Variants in HDAC2 observed in about 807,000 individuals in gnomAD.
HDAC2 encodes the protein histone deacetylase 2.
Under a neutral mutation model 68.5 loss-of-function variants are expected in HDAC2, and 5 were observed. That is an observed-to-expected ratio of 0.07 (90% CI 0.04 to 0.15). The LOEUF is 0.15. HDAC2 is among the 10% of genes least tolerant of loss of function. HDAC2 has a pLI of 1.00. For synonymous variants in HDAC2, 182 were observed against 191.3 expected (o/e 0.95, Z 0.40); for missense variants, 291 against 600.8 (o/e 0.48, Z 5.39).
At chr6:113,952,841 A>AG (rs1279316975) in intron 6 of HDAC2, among the ~76,000 whole-genome samples, 1 of 152,320 alleles carries the variant, frequency 6.6e-6, no homozygotes, top group East Asian at 1.9e-4. Flanking sequence ...AGAAGCTTAA[A>AG]GAAAAAAAAA....
intron 5 of HDAC2, among the ~76,000 whole-genome samples, chr6:113,953,673 A>T (rs1776474336): frequency 6.6e-6 from 1 of 152,224 alleles, no homozygotes; most frequent in Non-Finnish European, 1.5e-5. Flanking sequence ...CATGCTTCAA[A>T]AACATAGCAC....
chr6:113,962,007 T>C (rs1257037586), intron 1 of HDAC2, among the ~76,000 whole-genome samples: 1 of 151,918 alleles, frequency 6.6e-6, no homozygotes, highest in Non-Finnish European at 1.5e-5. Flanking sequence ...AGTTATTTGA[T>C]GCACACTGAA....
At chr6:113,956,513 G>T in intron 4 of HDAC2, 106 bp downstream of exon 4, 1 of 771,900 alleles carries the variant, frequency 1.3e-6, no homozygotes, top group Non-Finnish European at 2.2e-6. Context: ...ATTTCCTTTT[G>T]TTATCAAAAT....
rs1462543289 is a variant in HDAC2, at chr6:113,937,137, T to C, written c.*3921A>G. ...CAACTGAGGCACAGAGGTTAGTAATTTTCCTAAGATTATGGTGGAGATCCT... is the reference window on the plus strand; with the variant it reads ...CAACTGAGGCACAGAGGTTAGTAATCTTCCTAAGATTATGGTGGAGATCCT... On this transcript the variant is annotated 3_prime_UTR_variant, in exon 14 of 14. Coordinates refer to ENST00000519065, the MANE Select transcript of HDAC2 (RefSeq NM_001527.4). 2.0e-5 allele frequency: 3 copies of C among 152,204 alleles called. No homozygotes were observed. The highest frequency in any genetic ancestry group is 4.4e-5 in the Non-Finnish European group (3 of 68,028). The allele number at this position is 152,204 out of a possible 1,614,324, so 9.4% of individuals were successfully genotyped here.
Position 113,970,465 on chromosome 6 carries a change from C to G in HDAC2, c.52+392G>C, listed in dbSNP as rs558837469. The G allele has an allele frequency of 6.2e-5, 67 of 1,074,124 alleles. No homozygotes were observed. The African/African-American group carries it at 1.0e-3, about 17-fold the overall frequency. The allele number at this position is 1,074,124 out of a possible 1,614,324, so 66.5% of individuals were successfully genotyped here. A position where few individuals can be genotyped will look rare whatever the true frequency, so the allele number is the denominator to read the frequency against. On this transcript the variant is annotated intron_variant, in intron 1 of 13. Coordinates refer to ENST00000519065, the MANE Select transcript of HDAC2 (RefSeq NM_001527.4). ...GGGTCGAGGGGGTAGGAGGCCGACG[C>G]GGGGCACCCCAAACCTGCGTTGCCA... is the stretch of plus-strand genomic sequence containing the variant.
chr6:113,956,715 A>G, intron 3 of HDAC2, 22 bp from the exon 4 acceptor site: 2 of 1,529,356 alleles, frequency 1.3e-6, no homozygotes, highest in Non-Finnish European at 1.8e-6. Flanking sequence ...GGATTTCATT[A>G]ATTTCAACAC....
At chr6:113,956,894 C>A (rs764268017) in intron 3 of HDAC2, 5 of 504,494 alleles carry the variant, frequency 9.9e-6, no homozygotes, top group Non-Finnish European at 1.8e-5. Context: ...TGTGAAAGAT[C>A]ATCAAATCTT....
At chr6:113,963,890 C>T (rs186939739) in intron 1 of HDAC2, among the ~76,000 whole-genome samples, 1 of 152,166 alleles carries the variant, frequency 6.6e-6, no homozygotes, top group African/African-American at 2.4e-5. Context: ...AAGAAACTAA[C>T]AGAATGGAAG....
rs1056675170 is a variant in HDAC2 at position 113,934,209 on chromosome 6, C to A, written c.*6849G>T. The A allele has an allele frequency of 6.6e-6, 1 of 152,116 alleles. No homozygotes were observed. The highest frequency in any genetic ancestry group is 2.4e-5 in the African/African-American group (1 of 41,430). 9.4% of individuals were successfully genotyped at this position (152,116 alleles called of 1,614,324 possible). On this transcript the variant is annotated 3_prime_UTR_variant, in exon 14 of 14. Coordinates refer to ENST00000519065, the MANE Select transcript of HDAC2 (RefSeq NM_001527.4). ...GACAGGAAAGGCAAAAACATTTTATCCTGAATGCCAACTATCTGGGTTAAT... is the reference window on the plus strand; with the variant it reads ...GACAGGAAAGGCAAAAACATTTTATACTGAATGCCAACTATCTGGGTTAAT...
chr6:113,960,521 A>G (rs1776658540), intron 1 of HDAC2, among the ~76,000 whole-genome samples: 1 of 152,090 alleles, frequency 6.6e-6, no homozygotes, highest in African/African-American at 2.4e-5. Flanking sequence ...ACTGAAATTT[A>G]GGTCCTAAAT....
chr6:113,944,493 A>C lies in HDAC2; in HGVS notation c.1092-83T>G, dbSNP rs57755542. 3.5e-3 allele frequency: 4,313 copies of C among 1,239,662 alleles called. 116 individuals carry two copies. The African/African-American group carries it at 0.058, about 17-fold the overall frequency. 76.8% of individuals were successfully genotyped at this position (1,239,662 alleles called of 1,614,324 possible). On this transcript the variant is annotated intron_variant, in intron 10 of 13. Transcript: ENST00000519065. ...TGCAAGAGAAAATATTTAGCAAAAA[A>C]TTTCATCTTTGGTCTAGCTAAACCT...
At chr6:113,956,825 TAA>T in intron 3 of HDAC2, 132 bp from the exon 4 acceptor site, 1 of 621,182 alleles carries the variant, frequency 1.6e-6, no homozygotes, top group Non-Finnish European at 2.9e-6. Flanking sequence ...CAGTATAATA[TAA>T]AGTTTCCAAC....
At chr6:113,953,461 C>T in intron 5 of HDAC2, 43 bp from the exon 6 acceptor site, 1 of 1,259,918 alleles carries the variant, frequency 7.9e-7, no homozygotes, top group Non-Finnish European at 1.1e-6. Flanking sequence ...TTTAAAGGTT[C>T]TAAGATGGGA....
chr6:113,969,888 G>C (rs1238069379), intron 1 of HDAC2: 1 of 152,182 alleles, frequency 6.6e-6, no homozygotes, highest in Non-Finnish European at 1.5e-5. Context: ...GCCTTTGCAA[G>C]ATACCAATGC....
At chr6:113,949,914 T>TG (rs1776367301) in intron 6 of HDAC2, among the ~76,000 whole-genome samples, 1 of 152,118 alleles carries the variant, frequency 6.6e-6, no homozygotes, top group South Asian at 2.1e-4. Context: ...ACCGAGTGGC[T>TG]GGGATTACAG....
Position 113,940,959 on chromosome 6 carries a change from A to C in HDAC2, c.*99T>G, listed in dbSNP as rs953786739. On this transcript the variant is annotated 3_prime_UTR_variant, in exon 14 of 14. Coordinates refer to ENST00000519065, the MANE Select transcript of HDAC2 (RefSeq NM_001527.4). Reference sequence around the variant, plus strand: ...TTGAAAATAAATACAGTCCATGCCAAAGTAGTATAAAATGAAGCCAGAAGT... The same window carrying C: ...TTGAAAATAAATACAGTCCATGCCACAGTAGTATAAAATGAAGCCAGAAGT... The C allele has an allele frequency of 3.4e-6, 3 of 890,450 alleles. No homozygotes were observed. Among genetic ancestry groups the C allele is most frequent in the Non-Finnish European group, 5.3e-6 (3 of 564,194 alleles). 55.2% of individuals were successfully genotyped at this position (890,450 alleles called of 1,614,324 possible). A position where few individuals can be genotyped will look rare whatever the true frequency, so the allele number is the denominator to read the frequency against.
At chr6:113,964,856 C>T (rs1345597416) in intron 1 of HDAC2, among the ~76,000 whole-genome samples, 1 of 152,216 alleles carries the variant, frequency 6.6e-6, no homozygotes, top group Admixed American at 6.5e-5. Context: ...CACCTAACTG[C>T]TCAATCCAGA....
At position 113,959,942 on chromosome 6, in the gene HDAC2, C is replaced by T; in HGVS notation, c.129G>A (p.Leu43=). 1 of 1,571,156 alleles carries T rather than the reference C, an allele frequency of 6.4e-7. No individual in the cohort carries two copies. The highest frequency in any genetic ancestry group is 8.8e-7 in the Non-Finnish European group (1 of 1,141,640). Residue 43 remains leucine, a synonymous_variant, in exon 2 of 14, where the codon CTG becomes CTA. Transcript: ENST00000519065. ...TTTTTCTGTATAAGCCATAATTTAA[C>T]AGCAAGTTATGGGTCATGCGGATTC... is the stretch of plus-strand genomic sequence containing the variant. ...PHRIRMTHNL[L]LNYGLYRKME...
chr6:113,935,590 A>G lies in HDAC2; in HGVS notation c.*5468T>C, dbSNP rs1582470282. ...AACAGATTAGAGTCTTCTTTGTTCA[A>G]CTCACTCCTAAATACAAACCACTGG... On this transcript the variant is annotated 3_prime_UTR_variant, in exon 14 of 14. Transcript: ENST00000519065. The G allele has an allele frequency of 6.6e-6, 1 of 152,182 alleles. No individual in the cohort carries two copies. Among genetic ancestry groups the G allele is most frequent in the South Asian group, 2.1e-4 (1 of 4,828 alleles). 9.4% of individuals were successfully genotyped at this position (152,182 alleles called of 1,614,324 possible).
Sources: gnomAD v4.1 joint callset for allele counts (sites outside exome capture counted in the v4.1 genomes callset) on GRCh38, gnomAD v4.1.1 for gene constraint, MANE v1.5 for transcripts, NCBI Gene and HGNC (gene_info 2026-07-23, HGNC 2026-07-21) for gene names.